EML4: variants seen among roughly 807,000 people sequenced by gnomAD.
EML4 encodes the protein echinoderm microtubule-associated protein-like 4.
EML4 carries 72 observed loss-of-function variants against 129.0 expected under a neutral mutation model. The observed-to-expected ratio is 0.56, with a 90% CI of 0.46 to 0.68. EML4 has a LOEUF of 0.68. EML4 is among the 30% of genes least tolerant of loss of function. The probability of loss-of-function intolerance (pLI) is 0.00; values close to 1 mark genes in which losing one functional copy is unlikely to be tolerated. For missense variants in EML4, 1,363 were observed against 1,190.6 expected, an observed-to-expected ratio of 1.14 and a Z score of -2.13; for synonymous variants, 532 against 405.0, an observed-to-expected ratio of 1.31 and a Z score of -3.77.
chr2:42,221,552 A>G (rs1205503331), intron 1 of EML4, among the ~76,000 whole-genome samples: 1 of 151,364 alleles, frequency 6.6e-6, no homozygotes, highest in Non-Finnish European at 1.5e-5. Context: ...TGGGACTGTA[A>G]GCACACCCAA....
At chr2:42,198,713 G>A (rs961559042) in intron 1 of EML4, among the ~76,000 whole-genome samples, 1 of 152,150 alleles carries the variant, frequency 6.6e-6, no homozygotes, top group African/African-American at 2.4e-5. Context: ...AGAGTTGTGA[G>A]GATTTGGAAT....
chr2:42,225,353 T>G (rs1216367158), intron 1 of EML4, among the ~76,000 whole-genome samples: 1 of 152,178 alleles, frequency 6.6e-6, no homozygotes, highest in Non-Finnish European at 1.5e-5. Context: ...GCTAAACAGG[T>G]TTACATTCCT....
At chr2:42,296,032 G>A (rs1667928078) in intron 13 of EML4, among the ~76,000 whole-genome samples, 1 of 152,032 alleles carries the variant, frequency 6.6e-6, no homozygotes, top group Non-Finnish European at 1.5e-5. Context: ...TTATTCTTAA[G>A]TTTTATTTGC....
At chr2:42,219,820 G>A (rs1383122105) in intron 1 of EML4, among the ~76,000 whole-genome samples, 2 of 151,916 alleles carry the variant, frequency 1.3e-5, no homozygotes, top group Non-Finnish European at 1.5e-5. Flanking sequence ...CAGCTACTTG[G>A]GAGGCTGAGG....
chr2:42,217,809 A>G (rs1315734276), intron 1 of EML4, among the ~76,000 whole-genome samples: 3 of 152,212 alleles, frequency 2.0e-5, no homozygotes, highest in Non-Finnish European at 4.4e-5. Context: ...CTCACTAGCA[A>G]AAATGGTCTG....
rs192664313 is a variant in EML4, at chr2:42,321,159, G to A, written c.2154+3635G>A. 2.4e-3 allele frequency among the ~76,000 whole-genome samples: 313 copies of A among 130,640 alleles called. 1 individual carries two copies. The highest frequency in any genetic ancestry group is 8.6e-3 in the African/African-American group (300 of 34,824). The allele number at this position is 130,640 out of a possible 152,430, so 85.7% of individuals were successfully genotyped here. On this transcript the variant is annotated intron_variant, in intron 19 of 22. Coordinates refer to ENST00000318522, the MANE Select transcript of EML4 (RefSeq NM_019063.5). ...AGCACATTGGGAGGCCAAGGCGGGC[G>A]GATCACAAGGTCAAGAGATCTACAC... is the stretch of plus-strand genomic sequence containing the variant.
At chr2:42,250,877 C>A (rs1421442514) in intron 2 of EML4, among the ~76,000 whole-genome samples, 1 of 152,164 alleles carries the variant, frequency 6.6e-6, no homozygotes, top group Non-Finnish European at 1.5e-5. Flanking sequence ...TGTTTTCCTG[C>A]AACTAGCTGG....
At chr2:42,219,581 G>A (rs752079559) in intron 1 of EML4, among the ~76,000 whole-genome samples, 4 of 152,114 alleles carry the variant, frequency 2.6e-5, no homozygotes, top group East Asian at 3.8e-4. Flanking sequence ...AAAAGTTTAT[G>A]TATGTGGTTT....
intron 2 of EML4, among the ~76,000 whole-genome samples, chr2:42,249,783 G>A (rs1675645679): frequency 6.6e-6 from 1 of 152,136 alleles, no homozygotes; most frequent in Non-Finnish European, 1.5e-5. Context: ...ACACTTGACT[G>A]AGGTAGAAAA....
intron 1 of EML4, among the ~76,000 whole-genome samples, chr2:42,185,506 T>C (rs969863408): frequency 6.6e-6 from 1 of 152,162 alleles, no homozygotes; most frequent in Admixed American, 6.5e-5. Context: ...TTGTTCAGCC[T>C]TGGGTTAAGG....
chr2:42,285,037 T>C (rs1372407671), intron 9 of EML4, among the ~76,000 whole-genome samples: 1 of 151,322 alleles, frequency 6.6e-6, no homozygotes, highest in African/African-American at 2.4e-5. Context: ...TTTCCCTTAG[T>C]TGATGAACCT....
chr2:42,242,063 C>T (rs1675073911), intron 1 of EML4, among the ~76,000 whole-genome samples: 1 of 152,024 alleles, frequency 6.6e-6, no homozygotes, highest in African/African-American at 2.4e-5. Flanking sequence ...ACTTAAACAC[C>T]TTAGTCATTT....
Position 42,331,282 on chromosome 2 carries a change from C to T in EML4, c.*1075C>T. On this transcript the variant is annotated 3_prime_UTR_variant, in exon 23 of 23. Transcript: ENST00000318522. ...GTAACAGTCACAGCAGTTTTTTTTACCAACAGCATACTTAACAGACTTGCT... is the reference window on the plus strand; with the variant it reads ...GTAACAGTCACAGCAGTTTTTTTTATCAACAGCATACTTAACAGACTTGCT... 1 of 222,420 alleles carries T rather than the reference C, an allele frequency of 4.5e-6. No individual in the cohort carries two copies. The highest frequency in any genetic ancestry group is 9.0e-6 in the Non-Finnish European group (1 of 111,028). 13.8% of individuals were successfully genotyped at this position (222,420 alleles called of 1,614,324 possible).
At chr2:42,314,463 G>A (rs1033189883) in intron 17 of EML4, among the ~76,000 whole-genome samples, 3 of 152,070 alleles carry the variant, frequency 2.0e-5, no homozygotes, top group Non-Finnish European at 4.4e-5. Flanking sequence ...ACCTAATTCT[G>A]TCATCTACTC....
chr2:42,329,583 C>T, intron 22 of EML4, 151 bp from the exon 23 acceptor site: 1 of 630,704 alleles, frequency 1.6e-6, no homozygotes, highest in East Asian at 2.7e-5. Context: ...AACGGCTAGC[C>T]TTACTCCTGA....
At chr2:42,244,122 C>T (rs1221197243) in intron 1 of EML4, among the ~76,000 whole-genome samples, 7 of 115,244 alleles carry the variant, frequency 6.1e-5, no homozygotes, top group African/African-American at 1.1e-4. Context: ...TTTTTTGAGA[C>T]GGGGTCTTGC....
At chr2:42,223,269 G>T (rs192935651) in intron 1 of EML4, among the ~76,000 whole-genome samples, 2 of 152,036 alleles carry the variant, frequency 1.3e-5, no homozygotes, top group African/African-American at 2.4e-5. Flanking sequence ...TAGTGATTAC[G>T]TAAAGATTAC....
At chr2:42,314,800 C>G (rs931984320) in intron 17 of EML4, among the ~76,000 whole-genome samples, 2 of 152,202 alleles carry the variant, frequency 1.3e-5, no homozygotes, top group African/African-American at 4.8e-5. Flanking sequence ...TGGTTCCCAT[C>G]TTTGCTTTAT....
At chr2:42,176,631 T>C (rs549800087) in intron 1 of EML4, among the ~76,000 whole-genome samples, 21 of 152,294 alleles carry the variant, frequency 1.4e-4, no homozygotes, top group Admixed American at 8.5e-4. Flanking sequence ...GTTTACTTCT[T>C]TTCATTCCCA....
Sources: gnomAD v4.1 joint callset for allele counts (sites outside exome capture counted in the v4.1 genomes callset) on GRCh38, gnomAD v4.1.1 for gene constraint, MANE v1.5 for transcripts, NCBI Gene and HGNC (gene_info 2026-07-23, HGNC 2026-07-21) for gene names.